Variants in LRBA observed in about 807,000 individuals in gnomAD.
The protein encoded by LRBA is lipopolysaccharide-responsive and beige-like anchor protein.
A neutral mutation model predicts 330.0 loss-of-function variants in LRBA; 176 were observed. The ratio of observed to expected loss-of-function variants is 0.53; its 90% CI spans 0.47 to 0.60. LRBA has a LOEUF of 0.60. Ranked by LOEUF, LRBA falls within the 20% of genes least tolerant of loss-of-function variation. The probability of loss-of-function intolerance (pLI) is 0.00; values close to 1 mark genes in which losing one functional copy is unlikely to be tolerated. For missense variants in LRBA, 3,259 were observed against 3,444.8 expected, an observed-to-expected ratio of 0.95 and a Z score of 1.35; for synonymous variants, 1,230 against 1,193.0, an observed-to-expected ratio of 1.03 and a Z score of -0.64.
intron 35 of LRBA, among the ~76,000 whole-genome samples, chr4:150,750,355 A>G (rs1345222894): frequency 1.3e-5 from 2 of 152,300 alleles, no homozygotes; most frequent in East Asian, 3.9e-4. Flanking sequence ...AGTGCCATAA[A>G]CCACTCCCAA....
intron 17 of LRBA, among the ~76,000 whole-genome samples, chr4:150,884,172 G>T (rs899577225): frequency 6.6e-6 from 1 of 152,068 alleles, no homozygotes; most frequent in African/African-American, 2.4e-5. Context: ...ACCTATTCAG[G>T]GTAAGAAATG....
chr4:150,488,852 C>T (rs1323883931), intron 41 of LRBA, among the ~76,000 whole-genome samples: 5 of 146,698 alleles, frequency 3.4e-5, no homozygotes, highest in South Asian at 2.1e-4. Context: ...CGATCATTCA[C>T]TAAGCACCTA....
At chr4:150,520,636 C>A (rs1762827695) in intron 40 of LRBA, among the ~76,000 whole-genome samples, 1 of 152,078 alleles carries the variant, frequency 6.6e-6, no homozygotes, top group Non-Finnish European at 1.5e-5. Context: ...TTCTTTGCAG[C>A]AACATGGATA....
intron 40 of LRBA, among the ~76,000 whole-genome samples, chr4:150,551,679 A>G (rs1766613240): frequency 6.6e-6 from 1 of 152,080 alleles, no homozygotes; most frequent in Admixed American, 6.6e-5. Context: ...AAAAATAAAA[A>G]AAAAAGCAAA....
chr4:150,817,123 C>T lies in LRBA; in HGVS notation c.5305+1G>A. The T allele has an allele frequency of 1.9e-6, 3 of 1,611,018 alleles. No individual in the cohort carries two copies. The highest frequency in any genetic ancestry group is 1.7e-6 in the Non-Finnish European group (2 of 1,178,172). On this transcript the variant is annotated splice_donor_variant, in intron 31 of 56. Coordinates refer to ENST00000651943, the MANE Select transcript of LRBA (RefSeq NM_001364905.1). LOFTEE classifies it high-confidence loss of function. ...GTTGAAATCACTGATAACTAACTCA[C>T]CTGGTGATTCTCCTCCCATATCTGA...
At chr4:150,800,699 G>C (rs1430168162) in intron 33 of LRBA, among the ~76,000 whole-genome samples, 1 of 152,074 alleles carries the variant, frequency 6.6e-6, no homozygotes, top group Non-Finnish European at 1.5e-5. Flanking sequence ...TCAATCAAAA[G>C]AAACGAAGTA....
chr4:150,994,257 G>C (rs1314984942), intron 2 of LRBA, among the ~76,000 whole-genome samples: 1 of 152,026 alleles, frequency 6.6e-6, no homozygotes, highest in Non-Finnish European at 1.5e-5. Flanking sequence ...GGAGAACAGG[G>C]TGCTCTGAGG....
intron 48 of LRBA, among the ~76,000 whole-genome samples, chr4:150,330,464 C>T (rs1733840010): frequency 6.6e-6 from 1 of 152,158 alleles, no homozygotes; most frequent in Admixed American, 6.5e-5. Flanking sequence ...TTTTTGGCAC[C>T]AGGGACTGGT....
chr4:150,780,646 T>TATATATATATATAC (rs1560807593), intron 34 of LRBA, among the ~76,000 whole-genome samples: 1 of 139,258 alleles, frequency 7.2e-6, no homozygotes, highest in Non-Finnish European at 1.6e-5. Context: ...TATATATATA[T>TATATATATATATAC]GTGTATATAT....
chr4:150,964,885 T>C (rs1407069930), intron 2 of LRBA, among the ~76,000 whole-genome samples: 1 of 152,136 alleles, frequency 6.6e-6, no homozygotes, highest in Non-Finnish European at 1.5e-5. Flanking sequence ...AAATGGATAA[T>C]TCAAAGAAAA....
intron 37 of LRBA, 39 bp from the exon 38 acceptor site, chr4:150,599,170 T>C (rs1773843929): frequency 6.2e-7 from 1 of 1,610,082 alleles, no homozygotes; most frequent in South Asian, 1.1e-5. Context: ...TTAGCAATTA[T>C]CAAACAGCGT....
intron 40 of LRBA, among the ~76,000 whole-genome samples, chr4:150,553,355 A>T (rs1259816168): frequency 6.6e-6 from 1 of 152,036 alleles, no homozygotes; most frequent in Non-Finnish European, 1.5e-5. Flanking sequence ...ATTAGGAGAT[A>T]TACCTAATGT....
At chr4:150,354,138 G>C (rs1200964309) in intron 47 of LRBA, among the ~76,000 whole-genome samples, 1 of 151,742 alleles carries the variant, frequency 6.6e-6, no homozygotes, top group African/African-American at 2.4e-5. Flanking sequence ...AATTCAAAAT[G>C]GAATACCCTG....
chr4:150,986,653 T>G (rs948858117), intron 2 of LRBA, among the ~76,000 whole-genome samples: 1 of 152,194 alleles, frequency 6.6e-6, no homozygotes, highest in African/African-American at 2.4e-5. Context: ...ATGCTAATTT[T>G]TGTCATTCCA....
chr4:150,891,603 T>A (rs1729471595), intron 17 of LRBA, among the ~76,000 whole-genome samples: 1 of 152,184 alleles, frequency 6.6e-6, no homozygotes, highest in African/African-American at 2.4e-5. Context: ...AACTGCAACA[T>A]CAACCCTTCC....
At chr4:150,398,101 C>T (rs1432071164) in intron 47 of LRBA, among the ~76,000 whole-genome samples, 1 of 152,014 alleles carries the variant, frequency 6.6e-6, no homozygotes, top group Non-Finnish European at 1.5e-5. Flanking sequence ...ATCATGAGAT[C>T]CTGGCAAGAG....
At chr4:150,725,855 A>C (rs982558694) in intron 36 of LRBA, among the ~76,000 whole-genome samples, 10 of 152,316 alleles carry the variant, frequency 6.6e-5, no homozygotes, top group African/African-American at 2.2e-4. Context: ...TACAGCATAG[A>C]GTTTTTATTA....
intron 56 of LRBA, among the ~76,000 whole-genome samples, chr4:150,268,948 G>A (rs10014952): frequency 2.4e-3 from 362 of 152,144 alleles, no homozygotes; most frequent in African/African-American, 8.4e-3. Context: ...AACTGTCTCT[G>A]TTTACAGATG....
intron 42 of LRBA, 31 bp downstream of exon 42, chr4:150,487,701 C>A: frequency 1.5e-6 from 2 of 1,324,176 alleles, no homozygotes; most frequent in Non-Finnish European, 2.2e-6. Context: ...AGACACTTTA[C>A]TTTCCCTAAG....
Sources: allele counts gnomAD v4.1 joint callset (sites outside exome capture counted in the v4.1 genomes callset), GRCh38; gene constraint gnomAD v4.1.1; transcripts MANE v1.5; gene names NCBI Gene and HGNC (gene_info 2026-07-23, HGNC 2026-07-21).